The following LIPC variants were observed in gnomAD, a reference collection of about 807,000 sequenced individuals.
LIPC encodes the protein lipase C, hepatic type, also known as hepatic triacylglycerol lipase.
A neutral mutation model predicts 50.7 loss-of-function variants in LIPC; 44 were observed. That is an observed-to-expected ratio of 0.87 (90% CI 0.68 to 1.11). LIPC has a LOEUF of 1.11. Ranked by LOEUF, LIPC falls within the 50% of genes most tolerant of loss-of-function variation. The probability of loss-of-function intolerance (pLI) is 0.00; values close to 1 mark genes in which losing one functional copy is unlikely to be tolerated. For synonymous variants in LIPC, 271 were observed against 256.4 expected, an observed-to-expected ratio of 1.06 and a Z score of -0.54; for missense variants, 697 against 648.2, an observed-to-expected ratio of 1.08 and a Z score of -0.82.
At chr15:58,475,529 G>A (rs1171092196) in intron 1 of LIPC, among the ~76,000 whole-genome samples, 1 of 152,026 alleles carries the variant, frequency 6.6e-6, no homozygotes, top group African/African-American at 2.4e-5. Flanking sequence ...GATCTTCCCT[G>A]AACCACCCCC....
chr15:58,557,422 T>G (rs1290871362), intron 6 of LIPC, among the ~76,000 whole-genome samples: 1 of 138,784 alleles, frequency 7.2e-6, no homozygotes, highest in Non-Finnish European at 1.5e-5. Context: ...TCTTGCTCTG[T>G]CACCCAGGCT....
intron 1 of LIPC, among the ~76,000 whole-genome samples, chr15:58,501,913 A>G (rs142980306): frequency 1.6e-4 from 24 of 152,306 alleles, no homozygotes; most frequent in Non-Finnish European, 2.9e-4. Flanking sequence ...GGATGCAAAG[A>G]AAAACCAGAC....
intron 5 of LIPC, among the ~76,000 whole-genome samples, chr15:58,546,403 C>A (rs1012504746): frequency 1.3e-5 from 2 of 152,188 alleles, no homozygotes; most frequent in Non-Finnish European, 2.9e-5. Flanking sequence ...GTTGTGGCTT[C>A]TCGATGAAGG....
intron 1 of LIPC, 91 bp from the exon 2 acceptor site, chr15:58,538,242 C>A: frequency 8.0e-7 from 1 of 1,246,066 alleles, no homozygotes; most frequent in Non-Finnish European, 1.2e-6. Context: ...ACCTCTTTGG[C>A]TTGTGCTTGT....
rs113742389 is a variant in LIPC at position 58,521,135 on chromosome 15, G to C, written c.89-17198G>C. ...CCTGACCATAGGAAGGGGACTGTGG[G>C]TGTGAGAAGTAAAGCAGAGCAGGCC... On this transcript the variant is annotated intron_variant, in intron 1 of 8. Coordinates refer to ENST00000299022, the MANE Select transcript of LIPC (RefSeq NM_000236.3). Among the ~76,000 whole-genome samples, 56 of 152,282 alleles carry C rather than the reference G, an allele frequency of 3.7e-4. 1 individual carries two copies. Among genetic ancestry groups the C allele is most frequent in the African/African-American group, 1.3e-3 (56 of 41,558 alleles).
intron 1 of LIPC, among the ~76,000 whole-genome samples, chr15:58,496,820 G>A (rs1160274522): frequency 6.7e-6 from 1 of 150,312 alleles, no homozygotes; most frequent in Non-Finnish European, 1.5e-5. Context: ...TCTCTCCAGG[G>A]ATTACAGGTC....
intron 8 of LIPC, among the ~76,000 whole-genome samples, chr15:58,564,803 G>C (rs933036612): frequency 6.6e-6 from 1 of 152,054 alleles, no homozygotes; most frequent in African/African-American, 2.4e-5. Context: ...GCAAAAGAAA[G>C]GGCTGCCCAG....
chr15:58,453,729 C>G (rs564626990), intron 1 of LIPC, among the ~76,000 whole-genome samples: 16 of 151,888 alleles, frequency 1.1e-4, no homozygotes, highest in African/African-American at 3.4e-4. Context: ...GGTGAAATCC[C>G]AACTACTAAA....
intron 1 of LIPC, among the ~76,000 whole-genome samples, chr15:58,526,684 C>T (rs1892809666): frequency 6.6e-6 from 1 of 152,110 alleles, no homozygotes; most frequent in South Asian, 2.1e-4. Flanking sequence ...GGATAAGTAC[C>T]CACAAATATC....
chr15:58,490,854 A>C (rs1374020355), intron 1 of LIPC, among the ~76,000 whole-genome samples: 2 of 152,162 alleles, frequency 1.3e-5, no homozygotes, highest in Non-Finnish European at 2.9e-5. Context: ...CAGCACTTGC[A>C]AAAATTTCAG....
At chr15:58,465,237 C>T (rs1894508258) in intron 1 of LIPC, among the ~76,000 whole-genome samples, 1 of 152,128 alleles carries the variant, frequency 6.6e-6, no homozygotes, top group Non-Finnish European at 1.5e-5. Flanking sequence ...TCATTTCCCC[C>T]ACTTGACTGC....
chr15:58,439,155 C>A (rs1893417427), intron 1 of LIPC, among the ~76,000 whole-genome samples: 2 of 152,072 alleles, frequency 1.3e-5, no homozygotes, highest in Admixed American at 1.3e-4. Context: ...GAAGAGCAGG[C>A]CTCATTGTGT....
chr15:58,509,734 C>G (rs1892275044), intron 1 of LIPC, among the ~76,000 whole-genome samples: 1 of 152,098 alleles, frequency 6.6e-6, no homozygotes, highest in Admixed American at 6.6e-5. Context: ...CAAATTTACC[C>G]TGCTTGGTGA....
At position 58,563,688 on chromosome 15, in the gene LIPC, G is replaced by C; in HGVS notation, c.1353G>C (p.Lys451Asn). 1 of 1,613,714 alleles carries C rather than the reference G, an allele frequency of 6.2e-7. No homozygotes were observed. Residue 451 changes from lysine to asparagine, a missense_variant, in exon 8 of 9, where the codon AAG becomes AAC. Lys to Asn is a moderately conservative substitution (Grantham distance 94). Coordinates refer to ENST00000299022, the MANE Select transcript of LIPC (RefSeq NM_000236.3). The stretch of plus-strand genomic sequence containing the variant: ...CGCGCCACTCAGGCCTCGTTCTGAA[G>C]ACGATCAGAGTCAAAGCAGGAGAAA... ...TGPRHSGLVL[K>N]TIRVKAGETQ... is the part of the protein sequence containing the mutation.
chr15:58,465,858 C>T (rs1443576515), intron 1 of LIPC, among the ~76,000 whole-genome samples: 1 of 152,128 alleles, frequency 6.6e-6, no homozygotes, highest in East Asian at 1.9e-4. Context: ...GGAATAGGTA[C>T]GTGGGAAACT....
At chr15:58,452,752 G>T (rs1595860638) in intron 1 of LIPC, among the ~76,000 whole-genome samples, 1 of 151,692 alleles carries the variant, frequency 6.6e-6, no homozygotes. Context: ...GGAGGGCAGG[G>T]TGAGGCCTGG....
At chr15:58,564,620 G>A (rs897534074) in intron 8 of LIPC, among the ~76,000 whole-genome samples, 1 of 152,074 alleles carries the variant, frequency 6.6e-6, no homozygotes, top group Non-Finnish European at 1.5e-5. Context: ...CCAGCTACTC[G>A]GGGGGCTGAG....
chr15:58,521,706 G>A (rs1386081559), intron 1 of LIPC: 1 of 152,498 alleles, frequency 6.6e-6, no homozygotes, highest in African/African-American at 2.4e-5. Context: ...ATGACTCAGT[G>A]GGGGGTGAGC....
At chr15:58,547,929 A>G (rs1185851137) in intron 5 of LIPC, among the ~76,000 whole-genome samples, 2 of 152,156 alleles carry the variant, frequency 1.3e-5, no homozygotes, top group African/African-American at 4.8e-5. Context: ...CCCACCCTCC[A>G]GGCATCAGCA....
Sources: gnomAD v4.1 joint callset for allele counts (sites outside exome capture counted in the v4.1 genomes callset) on GRCh38, gnomAD v4.1.1 for gene constraint, MANE v1.5 for transcripts, NCBI Gene and HGNC (gene_info 2026-07-23, HGNC 2026-07-21) for gene names.